Variants in FRY observed in about 807,000 individuals in gnomAD.
FRY encodes the protein FRY microtubule binding protein, also known as protein furry homolog.
A neutral mutation model predicts 348.4 loss-of-function variants in FRY; 128 were observed. The ratio of observed to expected loss-of-function variants is 0.37; its 90% CI spans 0.32 to 0.43. The LOEUF (loss-of-function observed/expected upper bound fraction) is 0.43, where lower values mean the gene tolerates loss of function less well. FRY is among the 20% of genes least tolerant of loss of function. The pLI is 1.00. For missense variants in FRY, 2,736 were observed against 3,695.2 expected (o/e 0.74, Z 6.73); for synonymous variants, 1,370 against 1,374.7 (o/e 1.00, Z 0.08).
chr13:32,109,570 G>A (rs1310559719), intron 3 of FRY, among the ~76,000 whole-genome samples: 1 of 152,150 alleles, frequency 6.6e-6, no homozygotes, highest in Non-Finnish European at 1.5e-5. Flanking sequence ...ACAGACAAAG[G>A]AGAAGTTGAA....
At chr13:32,159,381 G>A (rs1009976293) in intron 16 of FRY, among the ~76,000 whole-genome samples, 4 of 152,162 alleles carry the variant, frequency 2.6e-5, no homozygotes, top group Admixed American at 6.5e-5. Context: ...CAGGCCCTAC[G>A]CAGGGTAAGA....
At chr13:32,183,271 T>G (rs1370641249) in intron 24 of FRY, among the ~76,000 whole-genome samples, 5 of 152,260 alleles carry the variant, frequency 3.3e-5, no homozygotes, top group Non-Finnish European at 7.3e-5. Flanking sequence ...AAAATACTCA[T>G]GTTTGTCAAC....
chr13:32,242,149 G>A (rs534091857), intron 46 of FRY, among the ~76,000 whole-genome samples: 1 of 152,236 alleles, frequency 6.6e-6, no homozygotes, highest in African/African-American at 2.4e-5. Context: ...GTCTTGTTAT[G>A]TAGATCTTTA....
At position 32,147,958 on chromosome 13, in the gene FRY, A is replaced by T; in HGVS notation, c.1392+11A>T. 1.4e-6 allele frequency: 2 copies of T among 1,416,380 alleles called. No homozygotes were observed. Among genetic ancestry groups the T allele is most frequent in the Non-Finnish European group, 2.0e-6 (2 of 999,278 alleles). 87.7% of individuals were successfully genotyped at this position (1,416,380 alleles called of 1,614,324 possible). A position where few individuals can be genotyped will look rare whatever the true frequency, so the allele number is the denominator to read the frequency against. ...CAGTTCATTGCCCAGGTAATGGAGA[A>T]GATTCCGGTGGTGGGAATCTTCTGA... On this transcript the variant is annotated intron_variant, in intron 13 of 60. Transcript: ENST00000542859.
At chr13:32,093,366 T>C (rs559431618) in intron 2 of FRY, among the ~76,000 whole-genome samples, 9 of 152,310 alleles carry the variant, frequency 5.9e-5, no homozygotes, top group Admixed American at 3.9e-4. Context: ...CAGTAGACTT[T>C]TAAAGAAATC....
Position 32,208,860 on chromosome 13 carries a change from C to T in FRY, c.4026C>T (p.Ser1342=), listed in dbSNP as rs182574298. ...CACTGCAATTCTCTTTAGAGGTAAG[C>T]CAGCGATTCCCCACAACACACCCCA... ...ELTLPLFSEV[S]QRFPTTHPNG... is the part of the protein sequence containing the mutation. Residue 1342 remains serine, a synonymous_variant, in exon 32 of 61, where the codon AGC becomes AGT. Transcript: ENST00000542859. 7,541 of 1,614,020 alleles carry T rather than the reference C, an allele frequency of 4.7e-3. 84 individuals carry two copies. The highest frequency in any genetic ancestry group is 0.025 in the South Asian group (2,320 of 91,076).
At chr13:32,108,308 G>A (rs879382680) in intron 3 of FRY, among the ~76,000 whole-genome samples, 3 of 152,184 alleles carry the variant, frequency 2.0e-5, no homozygotes, top group Admixed American at 2.0e-4. Flanking sequence ...GGTGCCTAAA[G>A]CAGTAGAATC....
chr13:32,244,195 A>G lies in FRY; in HGVS notation c.6828+13A>G. 6.2e-7 allele frequency: 1 copy of G among 1,611,066 alleles called. No individual in the cohort carries two copies. On this transcript the variant is annotated intron_variant, in intron 47 of 60. Transcript: ENST00000542859. ...AAAATATGTGCAAGTGAGTACTTGG[A>G]TAACTTCACTAAGCAACCAGTCGTT...
At chr13:32,131,005 G>C (rs938376605) in intron 7 of FRY, among the ~76,000 whole-genome samples, 27 of 151,980 alleles carry the variant, frequency 1.8e-4, no homozygotes, top group African/African-American at 6.0e-4. Context: ...TTGTAGAGAT[G>C]GGGCTTCATC....
chr13:32,291,041 G>T (rs556714527), intron 59 of FRY, among the ~76,000 whole-genome samples: 1 of 152,144 alleles, frequency 6.6e-6, no homozygotes, highest in Admixed American at 6.5e-5. Context: ...GTGGTTAGAC[G>T]TGAGGTCAGG....
rs539218095 is a variant in FRY at position 32,195,598 on chromosome 13, A to T, written c.3746+1301A>T. ...TAATCAAATTTATTGCATTGCATGG[A>T]CATCTCACAAAACATTACACTGCAT... On this transcript the variant is annotated intron_variant, in intron 29 of 60. Transcript: ENST00000542859. Among the ~76,000 whole-genome samples, 22 of 152,320 alleles carry T rather than the reference A, an allele frequency of 1.4e-4. No homozygotes were observed. In the South Asian group the frequency reaches 3.9e-3, roughly 27 times the overall value.
chr13:32,094,042 T>G lies in FRY; in HGVS notation c.271-7921T>G, dbSNP rs73454871. On this transcript the variant is annotated intron_variant, in intron 2 of 60. Coordinates refer to ENST00000542859, the MANE Select transcript of FRY (RefSeq NM_023037.3). ...TTTGCCATAATCAGTTTCCACTTGTTGGTTAAATACCCATTGTGTATTCTG... is the reference window on the plus strand; with the variant it reads ...TTTGCCATAATCAGTTTCCACTTGTGGGTTAAATACCCATTGTGTATTCTG... 3.9e-3 allele frequency among the ~76,000 whole-genome samples: 595 copies of G among 152,344 alleles called. 10 individuals are homozygous for G. Among genetic ancestry groups the G allele is most frequent in the African/African-American group, 0.012 (515 of 41,582 alleles).
At chr13:32,141,165 G>A (rs929670065) in intron 11 of FRY, among the ~76,000 whole-genome samples, 3 of 152,036 alleles carry the variant, frequency 2.0e-5, no homozygotes, top group Non-Finnish European at 2.9e-5. Context: ...TGACAAGCAC[G>A]TTATTTTCCA....
intron 47 of FRY, among the ~76,000 whole-genome samples, chr13:32,246,828 G>C (rs1886834821): frequency 1.3e-5 from 2 of 152,312 alleles, no homozygotes; most frequent in South Asian, 2.1e-4. Context: ...CCAGATTCCT[G>C]AGTTAAGTAA....
rs756945703 is a variant in FRY, at chr13:32,202,336, A to T, written c.3847-20A>T. Reference sequence around the variant, plus strand: ...CTAATGCTTTTCATACTACTTTTTTACTTTCCTACATCTTTATAGATCCTT... The same window carrying T: ...CTAATGCTTTTCATACTACTTTTTTTCTTTCCTACATCTTTATAGATCCTT... On this transcript the variant is annotated intron_variant, in intron 30 of 60. Coordinates refer to ENST00000542859, the MANE Select transcript of FRY (RefSeq NM_023037.3). The T allele has an allele frequency of 6.3e-7, 1 of 1,599,938 alleles. No individual in the cohort carries two copies. Among genetic ancestry groups the T allele is most frequent in the Non-Finnish European group, 8.6e-7 (1 of 1,167,170 alleles).
chr13:32,183,342 CTTG>C (rs1882819152), intron 24 of FRY, among the ~76,000 whole-genome samples: 5 of 152,106 alleles, frequency 3.3e-5, no homozygotes, highest in Non-Finnish European at 7.3e-5. Context: ...TGTGTGTTTG[CTTG>C]TTTTTTCACA....
At chr13:32,112,425 A>G (rs1447430291) in intron 3 of FRY, among the ~76,000 whole-genome samples, 2 of 152,206 alleles carry the variant, frequency 1.3e-5, no homozygotes, top group African/African-American at 2.4e-5. Flanking sequence ...AAATGGTGGC[A>G]TGCCAAGCTT....
intron 3 of FRY, among the ~76,000 whole-genome samples, chr13:32,110,129 A>T (rs1465735977): frequency 6.6e-6 from 1 of 152,174 alleles, no homozygotes; most frequent in African/African-American, 2.4e-5. Context: ...TTCATAGTCG[A>T]TGGACTAATG....
intron 15 of FRY, among the ~76,000 whole-genome samples, chr13:32,156,491 C>T (rs1443705747): frequency 2.0e-5 from 3 of 151,322 alleles, no homozygotes; most frequent in African/African-American, 7.3e-5. Flanking sequence ...ATCCCAGCAA[C>T]TTGGGAGGCT....
Sources: gnomAD v4.1 joint callset for allele counts (sites outside exome capture counted in the v4.1 genomes callset) on GRCh38, gnomAD v4.1.1 for gene constraint, MANE v1.5 for transcripts, NCBI Gene and HGNC (gene_info 2026-07-23, HGNC 2026-07-21) for gene names.